Variants in RELN observed in about 807,000 individuals in gnomAD.
RELN encodes the protein reelin.
In RELN, 108 loss-of-function variants were observed where a neutral mutation model predicts 427.6. That is an observed-to-expected ratio of 0.25 (90% CI 0.22 to 0.30). The LOEUF (loss-of-function observed/expected upper bound fraction) is 0.30. Ranked by LOEUF, RELN falls within the 10% of genes least tolerant of loss-of-function variation. The pLI, the probability that RELN is intolerant of heterozygous loss-of-function variation, is 1.00. For synonymous variants in RELN, 1,524 were observed against 1,513.4 expected (o/e 1.01, Z -0.16); for missense variants, 3,715 against 4,302.8 (o/e 0.86, Z 3.82).
intron 4 of RELN, among the ~76,000 whole-genome samples, chr7:103,765,571 G>A (rs973743870): frequency 6.6e-6 from 1 of 152,156 alleles, no homozygotes; most frequent in African/African-American, 2.4e-5. Context: ...TAAAAATAAT[G>A]TTGGATTAAT....
rs115847584 is a variant in RELN, at chr7:103,823,299, C to T, written c.473+10238G>A. ...TTGCATTCTCAAAGTCACAGTGTTTCGCCTGGTGAATTTAATCTGTTTATA... is the reference window on the plus strand; with the variant it reads ...TTGCATTCTCAAAGTCACAGTGTTTTGCCTGGTGAATTTAATCTGTTTATA... On this transcript the variant is annotated intron_variant, in intron 3 of 64. Coordinates refer to ENST00000428762, the MANE Select transcript of RELN (RefSeq NM_005045.4). Among the ~76,000 whole-genome samples, 317 of 152,062 alleles carry T rather than the reference C, an allele frequency of 2.1e-3. 2 individuals carry two copies. The highest frequency in any genetic ancestry group is 7.1e-3 in the African/African-American group (293 of 41,542).
At chr7:103,793,497 C>G (rs1792218315) in intron 3 of RELN, among the ~76,000 whole-genome samples, 1 of 152,174 alleles carries the variant, frequency 6.6e-6, no homozygotes, top group African/African-American at 2.4e-5. Flanking sequence ...TGACTCTTCT[C>G]AGTGTTTCAT....
intron 6 of RELN, among the ~76,000 whole-genome samples, chr7:103,730,585 C>A (rs1790329742): frequency 6.6e-6 from 1 of 152,000 alleles, no homozygotes; most frequent in African/African-American, 2.4e-5. Context: ...CTTCATTGTG[C>A]TTTATAACCC....
intron 2 of RELN, among the ~76,000 whole-genome samples, chr7:103,904,335 T>C (rs563760391): frequency 3.3e-5 from 5 of 152,304 alleles, no homozygotes; most frequent in Admixed American, 2.0e-4. Context: ...TGTGTCTTCA[T>C]AGTAGAATGA....
At chr7:103,891,569 C>T (rs1037825437) in intron 2 of RELN, among the ~76,000 whole-genome samples, 15 of 152,058 alleles carry the variant, frequency 9.9e-5, no homozygotes, top group Admixed American at 3.3e-4. Flanking sequence ...TGCTAGTTCC[C>T]TTCTCCTCTA....
chr7:103,753,562 C>T (rs1193655380), intron 4 of RELN, among the ~76,000 whole-genome samples: 1 of 152,200 alleles, frequency 6.6e-6, no homozygotes, highest in Non-Finnish European at 1.5e-5. Context: ...TACATTCTCT[C>T]ACCAGTATCA....
intron 2 of RELN, among the ~76,000 whole-genome samples, chr7:103,854,053 G>A (rs974426332): frequency 6.6e-6 from 1 of 152,062 alleles, no homozygotes; most frequent in African/African-American, 2.4e-5. Context: ...ACTACACAGT[G>A]TATATATGTA....
intron 12 of RELN, among the ~76,000 whole-genome samples, chr7:103,655,058 T>TA (rs1832997607): frequency 1.3e-5 from 2 of 152,046 alleles, no homozygotes; most frequent in African/African-American, 4.8e-5. Flanking sequence ...GCAATCCTCC[T>TA]ACCTTTGTCT....
chr7:103,577,312 C>A (rs1258585349), intron 28 of RELN, among the ~76,000 whole-genome samples: 1 of 152,060 alleles, frequency 6.6e-6, no homozygotes, highest in Non-Finnish European at 1.5e-5. Flanking sequence ...TTTTTCCCCC[C>A]TTCATTATTT....
chr7:103,511,698 T>C (rs1244343488), intron 50 of RELN, among the ~76,000 whole-genome samples: 1 of 140,162 alleles, frequency 7.1e-6, no homozygotes, highest in Non-Finnish European at 1.5e-5. Context: ...ATCCTGACTG[T>C]TAAAAAAAAA....
intron 3 of RELN, among the ~76,000 whole-genome samples, chr7:103,783,154 CTCTT>C (rs952216759): frequency 9.2e-5 from 9 of 97,860 alleles, no homozygotes; most frequent in African/African-American, 2.1e-4. Flanking sequence ...ACTTTCTTTT[CTCTT>C]TCTTTCTTTT....
intron 2 of RELN, among the ~76,000 whole-genome samples, chr7:103,846,650 G>T (rs1793684951): frequency 6.6e-6 from 1 of 152,106 alleles, no homozygotes; most frequent in African/African-American, 2.4e-5. Context: ...AACCTACAAA[G>T]TGTGAGAAAA....
At chr7:103,588,939 A>C (rs921128678) in intron 28 of RELN, among the ~76,000 whole-genome samples, 10 of 64,248 alleles carry the variant, frequency 1.6e-4, no homozygotes, top group African/African-American at 1.0e-3. Flanking sequence ...TAAATTATGT[A>C]AGGACTTTTA....
intron 1 of RELN, among the ~76,000 whole-genome samples, chr7:103,982,241 A>G (rs1797005764): frequency 2.0e-5 from 3 of 152,164 alleles, no homozygotes; most frequent in Admixed American, 1.3e-4. Context: ...TTATACCGCC[A>G]ATAAATGGCA....
intron 8 of RELN, among the ~76,000 whole-genome samples, chr7:103,710,495 T>C (rs1260862517): frequency 2.6e-5 from 4 of 152,220 alleles, no homozygotes; most frequent in East Asian, 1.9e-4. Context: ...TGATACACTA[T>C]TTAATGAGTG....
chr7:103,636,134 G>A, intron 18 of RELN, 101 bp downstream of exon 18: 2 of 850,840 alleles, frequency 2.4e-6, no homozygotes. Context: ...TTAAAAATGA[G>A]ATGTCTATCA....
At chr7:103,592,070 A>G (rs1412978113) in intron 27 of RELN, among the ~76,000 whole-genome samples, 1 of 152,006 alleles carries the variant, frequency 6.6e-6, no homozygotes, top group Admixed American at 6.6e-5. Context: ...ATCCATTGTA[A>G]TCTGAATTTT....
intron 15 of RELN, among the ~76,000 whole-genome samples, chr7:103,651,027 G>C (rs574640007): frequency 1.3e-5 from 2 of 152,162 alleles, no homozygotes; most frequent in East Asian, 3.9e-4. Context: ...CTAGGCATCT[G>C]TGCAGAGATG....
chr7:103,499,684 C>T (rs531997902), intron 53 of RELN, among the ~76,000 whole-genome samples: 21 of 152,174 alleles, frequency 1.4e-4, no homozygotes, highest in Non-Finnish European at 2.1e-4. Flanking sequence ...CAAATGAATA[C>T]GTTTTATAAT....
Sources: gnomAD v4.1 joint callset for allele counts (sites outside exome capture counted in the v4.1 genomes callset) on GRCh38, gnomAD v4.1.1 for gene constraint, MANE v1.5 for transcripts, NCBI Gene and HGNC (gene_info 2026-07-23, HGNC 2026-07-21) for gene names.